LRP1B: variants seen among roughly 807,000 people sequenced by gnomAD.
LRP1B encodes low-density lipoprotein receptor-related protein 1B.
Under a neutral mutation model 556.6 loss-of-function variants are expected in LRP1B, and 217 were observed. That is an observed-to-expected ratio of 0.39 (90% CI 0.35 to 0.44). The LOEUF (loss-of-function observed/expected upper bound fraction) is 0.44. LRP1B is among the 20% of genes least tolerant of loss of function. LRP1B has a pLI of 1.00. For missense variants in LRP1B, 5,053 were observed against 5,620.8 expected (o/e 0.90, Z 3.23); for synonymous variants, 2,047 against 1,865.8 (o/e 1.10, Z -2.50).
intron 7 of LRP1B, among the ~76,000 whole-genome samples, chr2:141,066,024 G>T (rs570582694): frequency 6.6e-6 from 1 of 152,042 alleles, no homozygotes; most frequent in South Asian, 2.1e-4. Context: ...GCAAAAAGGG[G>T]CATTGCTGTT....
Position 141,945,320 on chromosome 2 carries a change from T to C in LRP1B, c.83-134919A>G, listed in dbSNP as rs143724711. On this transcript the variant is annotated intron_variant, in intron 1 of 90. Transcript: ENST00000389484. ...AGTAGCAGTTTGTCAAACTAAATCC[T>C]GGGGCTCAGAAGATGTAATTCTCTT... Among the ~76,000 whole-genome samples, 405 of 152,248 alleles carry C rather than the reference T, an allele frequency of 2.7e-3. 1 individual carries two copies. Among genetic ancestry groups the C allele is most frequent in the African/African-American group, 9.0e-3 (374 of 41,566 alleles).
chr2:140,855,493 G>GGGAAAAAAAAAAAAAAAAAAA (rs570169727), intron 27 of LRP1B, among the ~76,000 whole-genome samples: 4 of 99,368 alleles, frequency 4.0e-5, no homozygotes, highest in African/African-American at 1.5e-4. Context: ...TCTCTACTGG[G>GGGAAAAAAAAAAAAAAAAAAA]AAAAAAAAAA....
chr2:141,891,129 T>C (rs942665992), intron 1 of LRP1B, among the ~76,000 whole-genome samples: 3 of 152,266 alleles, frequency 2.0e-5, no homozygotes, highest in Admixed American at 2.0e-4. Context: ...CTCTCCCTCT[T>C]GTTTTCTTTT....
In LRP1B at chr2:141,023,224, C is replaced by T. The variant is rs572059939; in HGVS notation, c.1790-3122G>A. 2.0e-3 allele frequency among the ~76,000 whole-genome samples: 309 copies of T among 151,928 alleles called. 1 individual carries two copies. Among genetic ancestry groups the T allele is most frequent in the African/African-American group, 7.2e-3 (300 of 41,504 alleles). ...CTTTGTTCTAGTAATTTCAAAATAA[C>T]TTATATGAATGGAGTAATATATAAA... On this transcript the variant is annotated intron_variant, in intron 11 of 90. Coordinates refer to ENST00000389484, the MANE Select transcript of LRP1B (RefSeq NM_018557.3).
At chr2:140,752,724 T>C (rs1688624278) in intron 35 of LRP1B, among the ~76,000 whole-genome samples, 1 of 152,200 alleles carries the variant, frequency 6.6e-6, no homozygotes, top group Non-Finnish European at 1.5e-5. Flanking sequence ...AATATACTTA[T>C]TTTTTTCAAA....
chr2:140,905,262 C>T (rs1694217622), intron 22 of LRP1B, among the ~76,000 whole-genome samples: 1 of 152,004 alleles, frequency 6.6e-6, no homozygotes, highest in Non-Finnish European at 1.5e-5. Flanking sequence ...TACATACTAA[C>T]AGACTTGAAC....
chr2:140,345,522 C>G (rs1681604997), intron 77 of LRP1B, among the ~76,000 whole-genome samples: 1 of 151,024 alleles, frequency 6.6e-6, no homozygotes, highest in Non-Finnish European at 1.5e-5. Flanking sequence ...TGATTCCAGT[C>G]CTTCTTTTCC....
intron 43 of LRP1B, among the ~76,000 whole-genome samples, chr2:140,596,475 C>T (rs960554985): frequency 1.2e-4 from 18 of 152,114 alleles, no homozygotes; most frequent in Admixed American, 7.2e-4. Flanking sequence ...AGTAAATCTA[C>T]TTGGTTTACT....
intron 37 of LRP1B, 120 bp from the exon 38 acceptor site, chr2:140,702,673 T>C: frequency 1.1e-6 from 1 of 890,732 alleles, no homozygotes. Flanking sequence ...AATAATACAT[T>C]TCGGAAGTTA....
At chr2:141,868,802 C>T (rs1486073658) in intron 1 of LRP1B, among the ~76,000 whole-genome samples, 2 of 151,972 alleles carry the variant, frequency 1.3e-5, no homozygotes, top group Non-Finnish European at 2.9e-5. Context: ...ATGGCAGTCA[C>T]CTTTAGATGT....
At chr2:141,169,042 T>G (rs1200094395) in intron 7 of LRP1B, among the ~76,000 whole-genome samples, 1 of 151,898 alleles carries the variant, frequency 6.6e-6, no homozygotes, top group Non-Finnish European at 1.5e-5. Flanking sequence ...TCCCAGCATT[T>G]TGGGAGGCCA....
intron 31 of LRP1B, among the ~76,000 whole-genome samples, chr2:140,815,918 C>A (rs910989453): frequency 2.2e-5 from 3 of 136,308 alleles, no homozygotes; most frequent in Non-Finnish European, 4.7e-5. Flanking sequence ...TATTCAACTT[C>A]TTTGCTTCTA....
chr2:142,051,829 G>A (rs1704473229), intron 1 of LRP1B, among the ~76,000 whole-genome samples: 2 of 152,028 alleles, frequency 1.3e-5, no homozygotes, highest in Non-Finnish European at 2.9e-5. Context: ...TCTGGATTTA[G>A]GACTTTAAAA....
chr2:141,002,093 A>G (rs1023976079), intron 15 of LRP1B, among the ~76,000 whole-genome samples: 1 of 152,116 alleles, frequency 6.6e-6, no homozygotes, highest in Admixed American at 6.6e-5. Flanking sequence ...AAACAATAAA[A>G]TAAGAATTAA....
At chr2:140,452,377 T>A (rs907251751) in intron 62 of LRP1B, among the ~76,000 whole-genome samples, 6 of 152,096 alleles carry the variant, frequency 3.9e-5, no homozygotes. Flanking sequence ...ACTAAAAAAA[T>A]TCACTTGAAA....
intron 83 of LRP1B, among the ~76,000 whole-genome samples, chr2:140,305,817 G>T (rs191920709): frequency 0.016 from 2,474 of 152,014 alleles, 29 homozygotes; most frequent in Non-Finnish European, 0.026. Context: ...ATTATTTTGA[G>T]ATATGTCCCA....
intron 7 of LRP1B, among the ~76,000 whole-genome samples, chr2:141,095,960 C>T (rs79518382): frequency 0.025 from 3,812 of 152,192 alleles, 130 homozygotes; most frequent in East Asian, 0.14. Flanking sequence ...ATTCCCCAAA[C>T]TATTCTACTA....
intron 6 of LRP1B, among the ~76,000 whole-genome samples, chr2:141,217,856 A>G (rs1028220842): frequency 1.3e-5 from 2 of 152,168 alleles, no homozygotes; most frequent in African/African-American, 4.8e-5. Context: ...GATGTCCAAA[A>G]TCTTTAAGGA....
At chr2:140,666,874 G>C (rs1042433630) in intron 41 of LRP1B, among the ~76,000 whole-genome samples, 5 of 152,172 alleles carry the variant, frequency 3.3e-5, no homozygotes, top group Non-Finnish European at 7.3e-5. Flanking sequence ...ACTGTGTGAG[G>C]AATGAAGTCT....
Sources: gnomAD v4.1 joint callset for allele counts (sites outside exome capture counted in the v4.1 genomes callset) on GRCh38, gnomAD v4.1.1 for gene constraint, MANE v1.5 for transcripts, NCBI Gene and HGNC (gene_info 2026-07-23, HGNC 2026-07-21) for gene names.